Variants in CTPS2 observed in about 807,000 individuals in gnomAD.
CTPS2 encodes the protein CTP synthase 2, also known as CTP synthase II.
A neutral mutation model predicts 46.8 loss-of-function variants in CTPS2; 19 were observed. That is an observed-to-expected ratio of 0.41 (90% CI 0.28 to 0.60). The LOEUF is 0.60. Among genes scored for constraint, CTPS2 ranks in the 20% least tolerant of loss-of-function variants. The probability of loss-of-function intolerance (pLI) is 0.35; values close to 1 mark genes in which losing one functional copy is unlikely to be tolerated. For synonymous variants in CTPS2, 151 were observed against 165.2 expected, an observed-to-expected ratio of 0.91 and a Z score of 0.66; for missense variants, 286 against 447.6, an observed-to-expected ratio of 0.64 and a Z score of 3.26.
intron 13 of CTPS2, among the ~76,000 whole-genome samples, chrX:16,642,099 G>A (rs868579021): frequency 1.8e-5 from 2 of 112,095 alleles, no homozygotes; most frequent in South Asian, 3.7e-4. Context: ...TTTGCACATC[G>A]TATTTTACTA....
intron 4 of CTPS2, 134 bp downstream of exon 4, chrX:16,698,102 C>A: frequency 2.0e-6 from 1 of 489,628 alleles, no homozygotes; most frequent in Non-Finnish European, 3.6e-6. Context: ...TATGTTGTTT[C>A]TTGCTGTGAC....
chrX:16,656,042 C>T (rs1005124903), intron 13 of CTPS2, among the ~76,000 whole-genome samples: 6 of 111,280 alleles, frequency 5.4e-5, no homozygotes, highest in Non-Finnish European at 9.4e-5. Flanking sequence ...GTGATCCACC[C>T]GCCTCAGCTT....
chrX:16,607,408 C>A (rs1930034587), intron 17 of CTPS2, among the ~76,000 whole-genome samples: 1 of 112,464 alleles, frequency 8.9e-6, no homozygotes, highest in Non-Finnish European at 1.9e-5. Flanking sequence ...GGCACATGAG[C>A]CAGATAAAGT....
chrX:16,648,174 T>C (rs1932419928), intron 13 of CTPS2, among the ~76,000 whole-genome samples: 1 of 111,701 alleles, frequency 9.0e-6, no homozygotes, highest in Admixed American at 9.5e-5. Flanking sequence ...TAGTGGTAAT[T>C]TGAGAGAAAA....
At chrX:16,684,565 A>T (rs1304226169) in intron 8 of CTPS2, among the ~76,000 whole-genome samples, 2 of 110,564 alleles carry the variant, frequency 1.8e-5, no homozygotes, top group East Asian at 5.6e-4. Flanking sequence ...AAAGAGTACA[A>T]GAGAAACTAG....
At chrX:16,614,312 A>G (rs1200199349) in intron 16 of CTPS2, among the ~76,000 whole-genome samples, 1 of 112,153 alleles carries the variant, frequency 8.9e-6, no homozygotes, top group Admixed American at 9.5e-5. Flanking sequence ...GAAACCCTGG[A>G]CAAGGATATT....
At chrX:16,671,431 G>T (rs989540039) in intron 10 of CTPS2, among the ~76,000 whole-genome samples, 1 of 107,474 alleles carries the variant, frequency 9.3e-6, no homozygotes, top group Admixed American at 1.0e-4. Context: ...ATTGGGACCC[G>T]TTTCTGGTAA....
chrX:16,697,626 T>C (rs906730608), intron 4 of CTPS2, among the ~76,000 whole-genome samples: 19 of 108,524 alleles, frequency 1.8e-4, no homozygotes, highest in Middle Eastern at 4.7e-3. Context: ...GTAGTCTCTG[T>C]AGAGACGGGT....
At chrX:16,649,601 C>A (rs1360542192) in intron 13 of CTPS2, among the ~76,000 whole-genome samples, 1 of 111,723 alleles carries the variant, frequency 9.0e-6, no homozygotes, top group Admixed American at 9.6e-5. Context: ...AAGGAATCCT[C>A]CCACCTCAGC....
At chrX:16,693,061 T>TA (rs773531172) in intron 6 of CTPS2, 80 bp downstream of exon 6, 8,041 of 538,570 alleles carry the variant, frequency 0.015, 2 homozygotes, top group African/African-American at 0.017. Context: ...CGTCTCAAAT[T>TA]AAAAAAAAAA....
chrX:16,651,000 C>T (rs41311513), intron 13 of CTPS2: 55,570 of 1,198,395 alleles, frequency 0.046, 1,451 homozygotes, highest in Admixed American at 0.17. Context: ...ATTTATAAGA[C>T]ACCAGAATGA....
chrX:16,680,562 A>T (rs1922656475), intron 9 of CTPS2, among the ~76,000 whole-genome samples: 1 of 110,406 alleles, frequency 9.1e-6, no homozygotes, highest in Non-Finnish European at 1.9e-5. Context: ...CTCAAAAAAA[A>T]AAAAAAGAAA....
intron 4 of CTPS2, among the ~76,000 whole-genome samples, chrX:16,695,919 T>C (rs1204401547): frequency 9.0e-6 from 1 of 110,809 alleles, no homozygotes; most frequent in Non-Finnish European, 1.9e-5. Context: ...AGTGAGATCA[T>C]GGCTCACTGC....
chrX:16,650,889 C>A (rs755029116), intron 13 of CTPS2: 19 of 598,349 alleles, frequency 3.2e-5, no homozygotes, highest in Non-Finnish European at 4.3e-5. Flanking sequence ...TTATTCTTCC[C>A]CATTTATGCC....
intron 6 of CTPS2, among the ~76,000 whole-genome samples, chrX:16,692,281 A>AAC (rs776817822): frequency 0.025 from 2,650 of 106,034 alleles, 78 homozygotes; most frequent in African/African-American, 0.077. Context: ...TGTCTCTACA[A>AAC]ACACACACAC....
At chrX:16,668,759 AGGAAGGAAG>A (rs1369350683) in intron 11 of CTPS2, among the ~76,000 whole-genome samples, 1 of 85,124 alleles carries the variant, frequency 1.2e-5, no homozygotes, top group Non-Finnish European at 2.3e-5. Flanking sequence ...GAAAGAAGGA[AGGAAGGAAG>A]GAAAGGAAGG....
intron 1 of CTPS2, among the ~76,000 whole-genome samples, chrX:16,706,139 A>T (rs1318386435): frequency 1.8e-5 from 2 of 109,528 alleles, no homozygotes; most frequent in Non-Finnish European, 3.8e-5. Flanking sequence ...AAAGAAATAA[A>T]GTCACCAGGC....
At chrX:16,633,053 C>T (rs1931560911) in intron 14 of CTPS2, among the ~76,000 whole-genome samples, 1 of 106,412 alleles carries the variant, frequency 9.4e-6, no homozygotes, top group South Asian at 4.2e-4. Context: ...GTTCATTCAA[C>T]ATGCAGTTCT....
At chrX:16,702,050 T>C (rs1226855540) in intron 2 of CTPS2, among the ~76,000 whole-genome samples, 1 of 110,188 alleles carries the variant, frequency 9.1e-6, no homozygotes, top group Non-Finnish European at 1.9e-5. Context: ...TTGTTTTTGT[T>C]TGTTTGTTTG....
Sources: gnomAD v4.1 joint callset for allele counts (sites outside exome capture counted in the v4.1 genomes callset) on GRCh38, gnomAD v4.1.1 for gene constraint, MANE v1.5 for transcripts, NCBI Gene and HGNC (gene_info 2026-07-23, HGNC 2026-07-21) for gene names.